Variants in PXMP2 observed in about 807,000 individuals in gnomAD.
PXMP2 encodes the protein peroxisomal membrane protein 2.
PXMP2 carries 13 observed loss-of-function variants against 20.2 expected under a neutral mutation model. That is an observed-to-expected ratio of 0.64 (90% CI 0.42 to 1.02). PXMP2 has a LOEUF of 1.02. Among genes scored for constraint, PXMP2 ranks in the 50% least tolerant of loss-of-function variants. PXMP2 has a pLI of 0.00. For synonymous variants in PXMP2, 113 were observed against 111.2 expected, an observed-to-expected ratio of 1.02 and a Z score of -0.10; for missense variants, 284 against 251.8, an observed-to-expected ratio of 1.13 and a Z score of -0.87.
In PXMP2 at chr12:132,692,669, A is replaced by AGCCAGTTAGATAGTGAGCGCCCTT. The variant is rs1565990620; in HGVS notation, c.236+2302_236+2303insATAGTGAGCGCCCTTGCCAGTTAG. The stretch of plus-strand genomic sequence containing the variant: ...AGCCAGTTAGTTAGTGAGCGCCCTT[A>AGCCAGTTAGATAGTGAGCGCCCTT]GCCAGTTAGTTAGTGAGCGCCCTTG... On this transcript the variant is annotated intron_variant, in intron 2 of 4. Coordinates refer to ENST00000317479, the MANE Select transcript of PXMP2 (RefSeq NM_018663.3). Among the ~76,000 whole-genome samples, 74 of 66,216 alleles carry AGCCAGTTAGATAGTGAGCGCCCTT rather than the reference A, an allele frequency of 1.1e-3. 3 individuals carry two copies. Among genetic ancestry groups the AGCCAGTTAGATAGTGAGCGCCCTT allele is most frequent in the African/African-American group, 3.6e-3 (69 of 19,088 alleles). 43.4% of individuals were successfully genotyped at this position (66,216 alleles called of 152,430 possible).
intron 4 of PXMP2, among the ~76,000 whole-genome samples, chr12:132,703,145 T>C (rs1253085337): frequency 6.6e-6 from 1 of 152,118 alleles, no homozygotes; most frequent in Non-Finnish European, 1.5e-5. Flanking sequence ...TCTCAAAGTC[T>C]GTGGGGGCCA....
At chr12:132,697,461 G>A (rs1425755430) in intron 3 of PXMP2, among the ~76,000 whole-genome samples, 1 of 151,876 alleles carries the variant, frequency 6.6e-6, no homozygotes, top group Non-Finnish European at 1.5e-5. Flanking sequence ...AGGCTGGAGT[G>A]CAGTGGTGCG....
In PXMP2 at chr12:132,692,086, G is replaced by C. The variant is rs1405049428; in HGVS notation, c.236+1710G>C. ...GTTAGGTAGTGAGCTCCCTGAGCCAGTTAGTTAGTGAGCGCCCTTGCCAGT... is the reference window on the plus strand; with the variant it reads ...GTTAGGTAGTGAGCTCCCTGAGCCACTTAGTTAGTGAGCGCCCTTGCCAGT... On this transcript the variant is annotated intron_variant, in intron 2 of 4. Coordinates refer to ENST00000317479, the MANE Select transcript of PXMP2 (RefSeq NM_018663.3). Among the ~76,000 whole-genome samples, 3 of 147,680 alleles carry C rather than the reference G, an allele frequency of 2.0e-5. No homozygotes were observed. In the East Asian group the frequency reaches 5.8e-4, roughly 29 times the overall value.
intron 4 of PXMP2, among the ~76,000 whole-genome samples, chr12:132,704,406 G>T (rs768415747): frequency 6.6e-6 from 1 of 152,140 alleles, no homozygotes; most frequent in African/African-American, 2.4e-5. Flanking sequence ...TGTGAACACT[G>T]TAACTAGGGG....
Position 132,704,677 on chromosome 12 carries a change from T to TG in PXMP2, c.582dup (p.Lys195GlufsTer46). The TG allele has an allele frequency of 6.4e-7, 1 of 1,562,858 alleles. No individual in the cohort carries two copies. The highest frequency in any genetic ancestry group is 8.7e-7 in the Non-Finnish European group (1 of 1,153,014). On this transcript the variant is annotated frameshift_variant, in exon 5 of 5. Coordinates refer to ENST00000317479, the MANE Select transcript of PXMP2 (RefSeq NM_018663.3). LOFTEE classifies it high-confidence loss of function. Reference sequence around the variant, plus strand: ...TTCTGGTATGCCTACCTGGCCTCCTTGGGGAAGTGACGACCGCTGGGAGAA... The same window carrying TG: ...TTCTGGTATGCCTACCTGGCCTCCTTGGGGGAAGTGACGACCGCTGGGAGAA...
chr12:132,697,085 C>T (rs2043414384), intron 3 of PXMP2, among the ~76,000 whole-genome samples: 1 of 152,026 alleles, frequency 6.6e-6, no homozygotes, highest in Admixed American at 6.5e-5. Context: ...GCCAGGAGTT[C>T]GGGACCAGCC....
At chr12:132,693,624 TCAGTGAGCGCCCTTGC>T (rs1451603212) in intron 2 of PXMP2, among the ~76,000 whole-genome samples, 1 of 79,364 alleles carries the variant, frequency 1.3e-5, no homozygotes, top group African/African-American at 4.3e-5. Flanking sequence ...CCCTTGCCAG[TCAGTGAGCGCCCTTGC>T]CAGTTAGTGA....
At chr12:132,702,392 A>G in intron 4 of PXMP2, 2 of 284,056 alleles carry the variant, frequency 7.0e-6, no homozygotes, top group Non-Finnish European at 1.5e-5. Context: ...CTGGAGCTCC[A>G]GGCTCTGCCA....
intron 3 of PXMP2, among the ~76,000 whole-genome samples, chr12:132,698,332 A>G (rs907495812): frequency 1.1e-4 from 16 of 152,150 alleles, no homozygotes; most frequent in African/African-American, 3.6e-4. Context: ...CTGAAAGTAA[A>G]TTTGTTTTAA....
chr12:132,692,212 A>G (rs2043372694), intron 2 of PXMP2, among the ~76,000 whole-genome samples: 1 of 146,884 alleles, frequency 6.8e-6, no homozygotes, highest in African/African-American at 2.6e-5. Context: ...CCAGTTAGTT[A>G]GTGAGCGCCC....
chr12:132,700,896 A>T (rs1282217062), intron 3 of PXMP2, among the ~76,000 whole-genome samples: 1 of 149,560 alleles, frequency 6.7e-6, no homozygotes, highest in Non-Finnish European at 1.5e-5. Flanking sequence ...TTGGAAAGAC[A>T]TCGACTTTGG....
rs1219975765 is a variant in PXMP2, at chr12:132,704,711, G to A, written c.*24G>A. 13 of 1,591,026 alleles carry A rather than the reference G, an allele frequency of 8.2e-6. No individual in the cohort carries two copies. The highest frequency in any genetic ancestry group is 1.3e-5 in the African/African-American group (1 of 74,194). On this transcript the variant is annotated 3_prime_UTR_variant, in exon 5 of 5. Transcript: ENST00000317479. ...GACGACCGCTGGGAGAACATCAGGT[G>A]CACTGTGGACGTGGGTCTGGGGGTC...
chr12:132,701,681 A>C, intron 4 of PXMP2: 1 of 354,390 alleles, frequency 2.8e-6, no homozygotes, highest in Non-Finnish European at 5.2e-6. Flanking sequence ...AGGGATGCCT[A>C]TGAGTTTTCT....
chr12:132,700,379 G>A lies in PXMP2; in HGVS notation c.400-871G>A, dbSNP rs747531477. ...TTTTTAATAATAGCCATTCTGACTC[G>A]CGTGAGGTGGTATCTCCTTGTGGTT... On this transcript the variant is annotated intron_variant, in intron 3 of 4. Coordinates refer to ENST00000317479, the MANE Select transcript of PXMP2 (RefSeq NM_018663.3). Among the ~76,000 whole-genome samples the A allele has an allele frequency of 5.9e-4, 89 of 152,098 alleles. 1 individual carries two copies. Among genetic ancestry groups the A allele is most frequent in the Admixed American group, 2.0e-4 (3 of 15,250 alleles).
chr12:132,687,678 C>A lies in PXMP2; in HGVS notation c.8C>A (p.Pro3Gln), dbSNP rs571047443. ...CACGGCGCTGGGGAGGCGATGGCGC[C>A]GGCCGCGTCCAGGCTGCGGGCCGAA... MA[P>Q]AASRLRAEAG... The change falls in exon 1 of 5, where the codon CCG becomes CAG. Residue 3 changes from proline (P) to glutamine (Q), a missense_variant. Pro to Gln is a moderately conservative substitution (Grantham distance 76). Coordinates refer to ENST00000317479, the MANE Select transcript of PXMP2 (RefSeq NM_018663.3). The A allele has an allele frequency of 5.1e-6, 6 of 1,174,334 alleles. No individual in the cohort carries two copies. The East Asian group carries it at 2.1e-4, about 40-fold the overall frequency. 72.7% of individuals were successfully genotyped at this position (1,174,334 alleles called of 1,614,324 possible).
At position 132,696,233 on chromosome 12, in the gene PXMP2, C is replaced by CTTTATTTA. The variant is rs1029973962; in HGVS notation, c.399+200_399+207dup. Among the ~76,000 whole-genome samples, 1 of 151,938 alleles carries CTTTATTTA rather than the reference C, an allele frequency of 6.6e-6. No homozygotes were observed. The highest frequency in any genetic ancestry group is 2.4e-5 in the African/African-American group (1 of 41,354). ...GACCTGTTTGTACCCAGTAGAGTCA[C>CTTTATTTA]TTTATTTATTTATTTATTTAAAGAC... On this transcript the variant is annotated intron_variant, in intron 3 of 4. Transcript: ENST00000317479. The surrounding 1 kb of genome is among the most constrained non-coding windows in gnomAD (Gnocchi z 4.4).
chr12:132,696,531 C>T lies in PXMP2; in HGVS notation c.399+485C>T, dbSNP rs2043410809. ...GAAAGAAACAGGCCGGGCACAGTGG[C>T]TCACACCTGTAATCCCAGCACTTTG... On this transcript the variant is annotated intron_variant, in intron 3 of 4. Transcript: ENST00000317479. The surrounding 1 kb of genome is among the most constrained non-coding windows in gnomAD (Gnocchi z 4.4). Among the ~76,000 whole-genome samples the T allele has an allele frequency of 6.6e-6, 1 of 152,146 alleles. No individual in the cohort carries two copies. Among genetic ancestry groups the T allele is most frequent in the Non-Finnish European group, 1.5e-5 (1 of 68,040 alleles).
chr12:132,701,446 C>A, intron 4 of PXMP2, 77 bp downstream of exon 4: 1 of 1,484,936 alleles, frequency 6.7e-7, no homozygotes, highest in Non-Finnish European at 9.1e-7. Flanking sequence ...CCTCTTTCCT[C>A]CCCCCCTCCC....
chr12:132,693,466 T>A (rs2043385417), intron 2 of PXMP2, among the ~76,000 whole-genome samples: 1 of 75,296 alleles, frequency 1.3e-5, no homozygotes, highest in Non-Finnish European at 3.1e-5. Flanking sequence ...AGCCAGTTAG[T>A]TAGTGAGCTC....
Sources: allele counts gnomAD v4.1 joint callset (sites outside exome capture counted in the v4.1 genomes callset), GRCh38; gene constraint gnomAD v4.1.1; non-coding constraint Gnocchi (gnomAD v3.1); transcripts MANE v1.5; gene names NCBI Gene and HGNC (gene_info 2026-07-23, HGNC 2026-07-21).